Variants in TMOD3 observed in about 807,000 individuals in gnomAD.
The protein encoded by TMOD3 is tropomodulin-3.
TMOD3 carries 20 observed loss-of-function variants against 39.2 expected under a neutral mutation model. The ratio of observed to expected loss-of-function variants is 0.51; its 90% CI spans 0.36 to 0.74. The LOEUF (loss-of-function observed/expected upper bound fraction) is 0.74, where lower values mean the gene tolerates loss of function less well. Ranked by LOEUF, TMOD3 falls within the 30% of genes least tolerant of loss-of-function variation. The pLI, the probability that TMOD3 is intolerant of heterozygous loss-of-function variation, is 0.00. For synonymous variants in TMOD3, 143 were observed against 145.8 expected, an observed-to-expected ratio of 0.98 and a Z score of 0.14; for missense variants, 381 against 412.8, an observed-to-expected ratio of 0.92 and a Z score of 0.67.
intron 1 of TMOD3, chr15:51,860,982 T>A (rs565324592): frequency 2.7e-4 from 151 of 556,662 alleles, no homozygotes; most frequent in Non-Finnish European, 4.2e-4. Context: ...TTGAACATCG[T>A]CTTTCCTCTT....
At chr15:51,903,197 T>C (rs1465593333) in intron 9 of TMOD3, among the ~76,000 whole-genome samples, 1 of 152,240 alleles carries the variant, frequency 6.6e-6, no homozygotes, top group African/African-American at 2.4e-5. Flanking sequence ...CTCATTCTCC[T>C]ATGGTTCCTA....
rs576040701 is a variant in TMOD3 at position 51,902,616 on chromosome 15, G to A, written c.1024+580G>A. ...CTCCCGAGTAGCTGGGACTACAGGCGTGCGCGCCGTGCCCAGCTAATTTTT... is the reference window on the plus strand; with the variant it reads ...CTCCCGAGTAGCTGGGACTACAGGCATGCGCGCCGTGCCCAGCTAATTTTT... On this transcript the variant is annotated intron_variant, in intron 9 of 9. Transcript: ENST00000308580. Among the ~76,000 whole-genome samples the A allele has an allele frequency of 9.3e-5, 14 of 149,776 alleles. No homozygotes were observed. In the South Asian group the frequency reaches 2.6e-3, roughly 27 times the overall value.
intron 1 of TMOD3, among the ~76,000 whole-genome samples, chr15:51,842,480 T>C (rs913368319): frequency 6.6e-6 from 1 of 152,194 alleles, no homozygotes; most frequent in Non-Finnish European, 1.5e-5. Flanking sequence ...CAAAAATTGC[T>C]TATGGTGGGT....
Position 51,885,334 on chromosome 15 carries a change from G to A in TMOD3, c.284-2255G>A, listed in dbSNP as rs530802830. On this transcript the variant is annotated intron_variant, in intron 3 of 9. Transcript: ENST00000308580. ...TATTGATCATTCTTGGGTGTCTCTC[G>A]GAGAGGGGGACTTGGCAGGGTCATA... 1.2e-4 allele frequency among the ~76,000 whole-genome samples: 17 copies of A among 146,020 alleles called. No individual in the cohort carries two copies. The East Asian group carries it at 2.4e-3, about 21-fold the overall frequency.
chr15:51,891,562 C>T (rs1417371685), intron 5 of TMOD3, among the ~76,000 whole-genome samples: 2 of 152,050 alleles, frequency 1.3e-5, no homozygotes, highest in Non-Finnish European at 2.9e-5. Context: ...TTTAAGTTTC[C>T]CATGAACCTT....
intron 1 of TMOD3, among the ~76,000 whole-genome samples, chr15:51,849,883 G>A (rs532040085): frequency 7.3e-5 from 11 of 150,936 alleles, no homozygotes; most frequent in Middle Eastern, 3.4e-3. Context: ...GCAGTCAGCC[G>A]AGATCACACC....
At position 51,912,582 on chromosome 15, in the gene TMOD3, T is replaced by G. The variant is rs2056717099; in HGVS notation, c.*3772T>G. 1 of 152,144 alleles carries G rather than the reference T, an allele frequency of 6.6e-6. No homozygotes were observed. The highest frequency in any genetic ancestry group is 1.5e-5 in the Non-Finnish European group (1 of 68,028). 9.4% of individuals were successfully genotyped at this position (152,144 alleles called of 1,614,324 possible). ...GTCTGTGTTCCCAGGGCTGCCTCAC[T>G]TTTTCCCTAAAAAACTAGGAACCAC... On this transcript the variant is annotated 3_prime_UTR_variant, in exon 10 of 10. Coordinates refer to ENST00000308580, the MANE Select transcript of TMOD3 (RefSeq NM_014547.5).
At chr15:51,853,715 G>T (rs981210762) in intron 1 of TMOD3, among the ~76,000 whole-genome samples, 2 of 151,706 alleles carry the variant, frequency 1.3e-5, no homozygotes, top group African/African-American at 4.8e-5. Flanking sequence ...AGGCTGAGGA[G>T]GAGGGATCAC....
At chr15:51,842,371 T>C (rs2056316498) in intron 1 of TMOD3, among the ~76,000 whole-genome samples, 1 of 152,236 alleles carries the variant, frequency 6.6e-6, no homozygotes, top group Non-Finnish European at 1.5e-5. Context: ...CCGTCAACTT[T>C]ACGTATACAG....
intron 3 of TMOD3, among the ~76,000 whole-genome samples, chr15:51,872,193 G>A (rs1264121970): frequency 6.6e-6 from 1 of 152,086 alleles, no homozygotes; most frequent in African/African-American, 2.4e-5. Flanking sequence ...TCAGGAGCTC[G>A]AGACCAGCCT....
At chr15:51,837,987 T>G (rs2056294728) in intron 1 of TMOD3, among the ~76,000 whole-genome samples, 1 of 152,192 alleles carries the variant, frequency 6.6e-6, no homozygotes, top group Admixed American at 6.5e-5. Context: ...GTGAAAGGAT[T>G]TGAACATGAG....
In TMOD3 at chr15:51,900,136, TA is replaced by T; in HGVS notation, c.736-18del. On this transcript the variant is annotated intron_variant, in intron 7 of 9. Coordinates refer to ENST00000308580, the MANE Select transcript of TMOD3 (RefSeq NM_014547.5). ...ACTGTATCAAATTTTAATCTCTTAA[TA>T]TTTTCTCTAATTTCTAGGCTTTTGC... 6.2e-7 allele frequency: 1 copy of T among 1,612,266 alleles called. No individual in the cohort carries two copies. The highest frequency in any genetic ancestry group is 1.7e-4 in the Middle Eastern group (1 of 6,058).
chr15:51,861,674 T>C (rs2056419648), intron 1 of TMOD3, among the ~76,000 whole-genome samples: 2 of 151,648 alleles, frequency 1.3e-5, no homozygotes, highest in South Asian at 4.2e-4. Flanking sequence ...TTTTTTTTTT[T>C]TGAGACAAGG....
intron 1 of TMOD3, chr15:51,860,589 A>G (rs1390349332): frequency 2.5e-5 from 14 of 557,522 alleles, no homozygotes; most frequent in Admixed American, 2.3e-4. Flanking sequence ...AATGGCCAAC[A>G]TGGCAGAGAA....
At chr15:51,839,357 G>C (rs951179690) in intron 1 of TMOD3, among the ~76,000 whole-genome samples, 4 of 151,396 alleles carry the variant, frequency 2.6e-5, no homozygotes, top group African/African-American at 9.7e-5. Context: ...TTTTTATAGA[G>C]ATGGGGTCTC....
intron 3 of TMOD3, among the ~76,000 whole-genome samples, chr15:51,882,199 T>C (rs1171844447): frequency 6.6e-6 from 1 of 152,000 alleles, no homozygotes; most frequent in African/African-American, 2.4e-5. Flanking sequence ...CCAGCCTATT[T>C]AGGTTTATAA....
At chr15:51,889,832 C>T (rs1205055326) in intron 5 of TMOD3, among the ~76,000 whole-genome samples, 3 of 152,104 alleles carry the variant, frequency 2.0e-5, no homozygotes, top group Non-Finnish European at 2.9e-5. Context: ...CTACTGCACT[C>T]GAGCCTGGGC....
intron 3 of TMOD3, among the ~76,000 whole-genome samples, chr15:51,873,587 C>G (rs1476518663): frequency 6.6e-6 from 1 of 152,156 alleles, no homozygotes; most frequent in Non-Finnish European, 1.5e-5. Context: ...AGCCTTCTGA[C>G]CAGGGAATGT....
rs1393369409 is a variant in TMOD3 at position 51,914,132 on chromosome 15, AC to A, written c.*5323del. Reference sequence around the variant, plus strand: ...GACAACATAGCAAGACCCCATCTTTACAAAAAATTTAAAAATTAGCCAGACA... The same window carrying A: ...GACAACATAGCAAGACCCCATCTTTAAAAAAATTTAAAAATTAGCCAGACA... On this transcript the variant is annotated 3_prime_UTR_variant, in exon 10 of 10. Transcript: ENST00000308580. 6.6e-6 allele frequency: 1 copy of A among 152,396 alleles called. No homozygotes were observed. The highest frequency in any genetic ancestry group is 1.5e-5 in the Non-Finnish European group (1 of 68,404). The allele number at this position is 152,396 out of a possible 1,614,324, so 9.4% of individuals were successfully genotyped here. A position where few individuals can be genotyped will look rare whatever the true frequency, so the allele number is the denominator to read the frequency against.
Sources: gnomAD v4.1 joint callset for allele counts (sites outside exome capture counted in the v4.1 genomes callset) on GRCh38, gnomAD v4.1.1 for gene constraint, MANE v1.5 for transcripts, NCBI Gene and HGNC (gene_info 2026-07-23, HGNC 2026-07-21) for gene names.